The following PCDHA1 variants were observed in gnomAD, a reference collection of about 807,000 sequenced individuals.
The protein encoded by PCDHA1 is protocadherin alpha-1.
A neutral mutation model predicts 61.3 loss-of-function variants in PCDHA1; 42 were observed. The ratio of observed to expected loss-of-function variants is 0.69; its 90% CI spans 0.54 to 0.89. The LOEUF (loss-of-function observed/expected upper bound fraction) is 0.89. Among genes scored for constraint, PCDHA1 ranks in the 40% least tolerant of loss-of-function variants. PCDHA1 has a pLI of 0.00. For missense variants in PCDHA1, 1,256 were observed against 1,235.3 expected (o/e 1.02, Z -0.25); for synonymous variants, 610 against 553.8 (o/e 1.10, Z -1.43).
rs143298646 is a variant in PCDHA1 at position 140,846,200 on chromosome 5, T to A, written c.2394+57516T>A. ...TAGGCGTTTGAGTTCTTTGTATGTA[T>A]GAGATCTTTCCATTAATAGTATTTT... On this transcript the variant is annotated intron_variant, in intron 1 of 3. Coordinates refer to ENST00000504120, the MANE Select transcript of PCDHA1 (RefSeq NM_018900.4). Among the ~76,000 whole-genome samples, 321 of 149,672 alleles carry A rather than the reference T, an allele frequency of 2.1e-3. 23 individuals carry two copies. The highest frequency in any genetic ancestry group is 7.4e-3 in the African/African-American group (305 of 40,998).
chr5:140,825,136 T>C (rs1314909721), intron 1 of PCDHA1: 1 of 151,816 alleles, frequency 6.6e-6, no homozygotes, highest in Non-Finnish European at 1.5e-5. Flanking sequence ...TTAAAAAACA[T>C]ATGAGTATTG....
Position 140,787,643 on chromosome 5 carries a change from C to A in PCDHA1, c.1353C>A (p.Asn451Lys). Residue 451 changes from asparagine (N) to lysine (K), a missense_variant, in exon 1 of 4, where the codon AAC becomes AAA. Physicochemically the swap from Asn to Lys is moderately conservative, Grantham distance 94. Coordinates refer to ENST00000504120, the MANE Select transcript of PCDHA1 (RefSeq NM_018900.4). The part of the protein sequence containing the change: ...VSVEVADVND[N>K]APAFAQPEYT... The stretch of plus-strand genomic sequence containing the variant: ...TGGAGGTGGCCGACGTGAATGACAA[C>A]GCGCCTGCGTTCGCGCAGCCCGAGT... 1.9e-6 allele frequency: 3 copies of A among 1,614,016 alleles called. No homozygotes were observed. Among genetic ancestry groups the A allele is most frequent in the Non-Finnish European group, 2.5e-6 (3 of 1,179,952 alleles).
intron 1 of PCDHA1, chr5:140,801,322 G>C: frequency 6.2e-7 from 1 of 1,613,322 alleles, no homozygotes; most frequent in Non-Finnish European, 8.5e-7. Context: ...GCCAAGCATG[G>C]CACCTTCGTG....
Position 140,851,014 on chromosome 5 carries a change from T to G in PCDHA1, c.2394+62330T>G, listed in dbSNP as rs982386368. 9 of 1,434,762 alleles carry G rather than the reference T, an allele frequency of 6.3e-6. No individual in the cohort carries two copies. In the East Asian group the frequency reaches 2.2e-4, roughly 35 times the overall value. The allele number at this position is 1,434,762 out of a possible 1,614,324, so 88.9% of individuals were successfully genotyped here. On this transcript the variant is annotated intron_variant, in intron 1 of 3. Coordinates refer to ENST00000504120, the MANE Select transcript of PCDHA1 (RefSeq NM_018900.4). ...CTAGAAATCCAGCAGATTTTTTTTC[T>G]GATAAAGTAAACCCCTTAACATTGG... is the stretch of plus-strand genomic sequence containing the variant.
rs140846988 is a variant in PCDHA1 at position 140,828,361 on chromosome 5, C to A, written c.2394+39677C>A. The A allele has an allele frequency of 2.3e-4, 364 of 1,614,242 alleles. 1 individual carries two copies. In the African/African-American group the frequency reaches 3.9e-3, roughly 17 times the overall value. ...GCATTTTGTTTGTGAATTCTCGGATCGACCGCGAGGAGCTGTGCGGGCGGA... is the reference window on the plus strand; with the variant it reads ...GCATTTTGTTTGTGAATTCTCGGATAGACCGCGAGGAGCTGTGCGGGCGGA... On this transcript the variant is annotated intron_variant, in intron 1 of 3. Transcript: ENST00000504120.
intron 1 of PCDHA1, among the ~76,000 whole-genome samples, chr5:140,893,161 G>A (rs2063850346): frequency 6.6e-6 from 1 of 152,160 alleles, no homozygotes; most frequent in African/African-American, 2.4e-5. Context: ...TGGATATTGA[G>A]GTTGATTCCA....
intron 1 of PCDHA1, chr5:140,968,753 C>G: frequency 1.2e-6 from 2 of 1,614,022 alleles, no homozygotes; most frequent in Non-Finnish European, 1.7e-6. Flanking sequence ...CGTGGTGGTC[C>G]GAGATAATGG....
At chr5:140,942,619 T>A in intron 1 of PCDHA1, among the ~76,000 whole-genome samples, 1 of 148,900 alleles carries the variant, frequency 6.7e-6, no homozygotes. Context: ...TTGCCAATTG[T>A]AAAAAAAAAA....
At chr5:140,794,654 A>C (rs1761871726) in intron 1 of PCDHA1, among the ~76,000 whole-genome samples, 1 of 152,246 alleles carries the variant, frequency 6.6e-6, no homozygotes. Context: ...AGAGTAAAAA[A>C]GGGTAAAAAG....
At chr5:140,869,222 AAC>A (rs1554162674) in intron 1 of PCDHA1, 2 of 1,613,834 alleles carry the variant, frequency 1.2e-6, no homozygotes, top group South Asian at 2.2e-5. Context: ...GAGGAGGCCA[AAC>A]ACGGCACCTT....
intron 1 of PCDHA1, chr5:140,929,369 G>A: frequency 6.6e-7 from 1 of 1,515,248 alleles, no homozygotes; most frequent in Admixed American, 2.2e-5. Context: ...CCCGGAGATG[G>A]CTGCTAGCTG....
chr5:140,788,158 G>A lies in PCDHA1; in HGVS notation c.1868G>A (p.Arg623His), dbSNP rs1761441666. The A allele has an allele frequency of 6.2e-7, 1 of 1,613,888 alleles. No individual in the cohort carries two copies. The highest frequency in any genetic ancestry group is 1.3e-5 in the African/African-American group (1 of 74,938). Residue 623 changes from arginine to histidine, a missense_variant, in exon 1 of 4, where the codon CGC becomes CAC. Arg to His is a conservative substitution (Grantham distance 29, BLOSUM62 0). Transcript: ENST00000504120. The part of the protein sequence containing the change: ...PAAGGARIPF[R>H]VGLYTGEIST... ...GCAGGCGGCGCGCGCATCCCGTTCC[G>A]CGTGGGGCTGTACACGGGCGAGATC... is the stretch of plus-strand genomic sequence containing the variant.
chr5:140,951,413 C>T (rs1206149734), intron 1 of PCDHA1, among the ~76,000 whole-genome samples: 1 of 152,028 alleles, frequency 6.6e-6, no homozygotes, highest in African/African-American at 2.4e-5. Context: ...GTTTAATTGG[C>T]TCACAGTTCC....
chr5:140,925,076 A>G (rs1388489555), intron 1 of PCDHA1, among the ~76,000 whole-genome samples: 2 of 148,798 alleles, frequency 1.3e-5, no homozygotes, highest in Non-Finnish European at 3.0e-5. Context: ...CAACACGCTC[A>G]TCTGGAAAGG....
intron 1 of PCDHA1, chr5:140,796,289 C>T: frequency 6.2e-7 from 1 of 1,614,116 alleles, no homozygotes; most frequent in Non-Finnish European, 8.5e-7. Context: ...ACCAGCGTGT[C>T]CATCGAGGTG....
intron 1 of PCDHA1, chr5:140,969,495 C>G: frequency 7.0e-7 from 1 of 1,437,888 alleles, no homozygotes; most frequent in Non-Finnish European, 9.2e-7. Context: ...TATTTCCTCT[C>G]TAGAAAAATA....
intron 1 of PCDHA1, among the ~76,000 whole-genome samples, chr5:140,893,033 A>G (rs1246631946): frequency 1.3e-5 from 2 of 152,230 alleles, no homozygotes; most frequent in African/African-American, 2.4e-5. Flanking sequence ...TTCACTTAAC[A>G]TATGCCCTCC....
chr5:140,924,472 GT>G (rs1436957745), intron 1 of PCDHA1, among the ~76,000 whole-genome samples: 2 of 152,188 alleles, frequency 1.3e-5, no homozygotes, highest in African/African-American at 4.8e-5. Context: ...GAGGTAACTG[GT>G]TTTTAGTGGA....
chr5:140,954,208 A>C (rs568734009), intron 1 of PCDHA1, among the ~76,000 whole-genome samples: 1 of 152,254 alleles, frequency 6.6e-6, no homozygotes, highest in Admixed American at 6.5e-5. Context: ...GGTTGATCCC[A>C]TGTTTTTGCT....
Sources: allele counts gnomAD v4.1 joint callset (sites outside exome capture counted in the v4.1 genomes callset), GRCh38; gene constraint gnomAD v4.1.1; transcripts MANE v1.5; gene names NCBI Gene and HGNC (gene_info 2026-07-23, HGNC 2026-07-21).